Variants in GRID1 observed in about 807,000 individuals in gnomAD.
GRID1 encodes glutamate receptor ionotropic, delta-1.
Under a neutral mutation model 98.0 loss-of-function variants are expected in GRID1, and 28 were observed. The ratio of observed to expected loss-of-function variants is 0.29; its 90% CI spans 0.21 to 0.39. The LOEUF is 0.39. GRID1 is among the 10% of genes least tolerant of loss of function. GRID1 has a pLI of 1.00. For synonymous variants in GRID1, 553 were observed against 538.5 expected (o/e 1.03, Z -0.37); for missense variants, 1,111 against 1,340.5 (o/e 0.83, Z 2.67).
intron 4 of GRID1, among the ~76,000 whole-genome samples, chr10:85,946,627 T>C (rs911472429): frequency 5.3e-5 from 8 of 152,138 alleles, no homozygotes; most frequent in African/African-American, 1.9e-4. Context: ...AGTGGGGGCT[T>C]GGAAAGGGAT....
intron 4 of GRID1, among the ~76,000 whole-genome samples, chr10:86,055,924 T>C (rs1843566748): frequency 6.6e-6 from 1 of 152,156 alleles, no homozygotes; most frequent in African/African-American, 2.4e-5. Context: ...TACCCTGATA[T>C]CGAACTTCCC....
rs569216452 is a variant in GRID1 at position 86,195,684 on chromosome 10, G to C, written c.520+10680C>G. ...CAGGTGGGTAAGAGGATAACTTCCA[G>C]CAAGGAACTGGGTACGTGAAGGGCT... On this transcript the variant is annotated intron_variant, in intron 3 of 15. Coordinates refer to ENST00000327946, the MANE Select transcript of GRID1 (RefSeq NM_017551.3). This position sits in a 1 kb window ranked among gnomAD's most constrained non-coding sequence, Gnocchi z 4.4. Among the ~76,000 whole-genome samples the C allele has an allele frequency of 4.6e-5, 7 of 152,284 alleles. No individual in the cohort carries two copies. In the South Asian group the frequency reaches 1.5e-3, roughly 32 times the overall value.
At chr10:85,636,394 A>G (rs1247575875) in intron 13 of GRID1, among the ~76,000 whole-genome samples, 1 of 152,224 alleles carries the variant, frequency 6.6e-6, no homozygotes, top group Admixed American at 6.5e-5. Context: ...AGAGTAAATC[A>G]CTGCAGAAAT....
At chr10:85,913,058 G>T (rs1841563296) in intron 5 of GRID1, among the ~76,000 whole-genome samples, 2 of 152,160 alleles carry the variant, frequency 1.3e-5, no homozygotes, top group Non-Finnish European at 2.9e-5. Context: ...AAACACCACG[G>T]TCCTTAACCA....
At chr10:86,026,750 A>G (rs1187309301) in intron 4 of GRID1, among the ~76,000 whole-genome samples, 1 of 152,242 alleles carries the variant, frequency 6.6e-6, no homozygotes, top group Non-Finnish European at 1.5e-5. Flanking sequence ...TAAATGCTCA[A>G]TAAACAACAG....
At chr10:86,199,838 C>T (rs1036600784) in intron 3 of GRID1, among the ~76,000 whole-genome samples, 4 of 152,050 alleles carry the variant, frequency 2.6e-5, no homozygotes, top group African/African-American at 9.7e-5. Flanking sequence ...TCAGACAGGA[C>T]GCAGTGAAAG....
chr10:86,334,207 A>G (rs1419333710), intron 2 of GRID1, among the ~76,000 whole-genome samples: 1 of 152,198 alleles, frequency 6.6e-6, no homozygotes, highest in East Asian at 1.9e-4. Flanking sequence ...TGAAGAGCAT[A>G]GCACCTGCTC....
chr10:86,034,290 A>T (rs1164431959), intron 4 of GRID1, among the ~76,000 whole-genome samples: 1 of 152,174 alleles, frequency 6.6e-6, no homozygotes, highest in East Asian at 1.9e-4. Context: ...AAATATATAA[A>T]TATTTTTAAA....
chr10:86,232,252 C>T (rs1846467933), intron 2 of GRID1, among the ~76,000 whole-genome samples: 1 of 152,230 alleles, frequency 6.6e-6, no homozygotes, highest in African/African-American at 2.4e-5. Context: ...GGAGAAAAGG[C>T]AAGCTGAGCA....
At chr10:86,251,682 G>A (rs944722661) in intron 2 of GRID1, among the ~76,000 whole-genome samples, 7 of 152,148 alleles carry the variant, frequency 4.6e-5, no homozygotes, top group Admixed American at 2.0e-4. Flanking sequence ...TTCAGAATCT[G>A]CCAATCACTG....
chr10:86,302,240 G>A lies in GRID1; in HGVS notation c.235+61701C>T, dbSNP rs141456089. On this transcript the variant is annotated intron_variant, in intron 2 of 15. Coordinates refer to ENST00000327946, the MANE Select transcript of GRID1 (RefSeq NM_017551.3). Reference sequence around the variant, plus strand: ...TCCTCCTTGAGACTCACTCCACAGGGGCCACCATGCCTTCTTGGGAGACAC... The same window carrying A: ...TCCTCCTTGAGACTCACTCCACAGGAGCCACCATGCCTTCTTGGGAGACAC... 2.4e-3 allele frequency among the ~76,000 whole-genome samples: 365 copies of A among 152,298 alleles called. 8 individuals carry two copies. Among genetic ancestry groups the A allele is most frequent in the Middle Eastern group, 0.017 (5 of 294 alleles).
At chr10:85,859,488 T>C (rs985862572) in intron 6 of GRID1, among the ~76,000 whole-genome samples, 9 of 152,114 alleles carry the variant, frequency 5.9e-5, no homozygotes, top group African/African-American at 1.4e-4. Context: ...ACACTAACCA[T>C]GTTTTACAAA....
chr10:86,198,075 C>T (rs1025874607), intron 3 of GRID1, among the ~76,000 whole-genome samples: 14 of 152,046 alleles, frequency 9.2e-5, no homozygotes. Context: ...GCAAAGGAGA[C>T]GTCAGCAAGG....
intron 2 of GRID1, among the ~76,000 whole-genome samples, chr10:86,307,279 G>A (rs1315972713): frequency 2.0e-5 from 3 of 152,044 alleles, no homozygotes; most frequent in Non-Finnish European, 2.9e-5. Flanking sequence ...CAATAGCCAA[G>A]GTATGCAAAC....
chr10:85,879,202 G>C (rs2131801440), intron 5 of GRID1, among the ~76,000 whole-genome samples: 1 of 152,134 alleles, frequency 6.6e-6, no homozygotes, highest in East Asian at 1.9e-4. Flanking sequence ...GTCAACATTA[G>C]ACAGATCAAC....
intron 4 of GRID1, among the ~76,000 whole-genome samples, chr10:86,028,484 A>G (rs1027195648): frequency 6.6e-6 from 1 of 152,204 alleles, no homozygotes; most frequent in African/African-American, 2.4e-5. Flanking sequence ...CAAAACAGGT[A>G]TCTGTTATCT....
intron 6 of GRID1, among the ~76,000 whole-genome samples, chr10:85,864,855 C>T (rs533406468): frequency 1.8e-4 from 28 of 152,064 alleles, no homozygotes; most frequent in Non-Finnish European, 3.7e-4. Flanking sequence ...CACATTAGCC[C>T]CCAAAGCTTA....
intron 2 of GRID1, among the ~76,000 whole-genome samples, chr10:86,278,253 G>A (rs924934843): frequency 3.3e-5 from 5 of 152,108 alleles, no homozygotes; most frequent in African/African-American, 9.7e-5. Context: ...AAGTGGGGTG[G>A]CTATAATACT....
intron 8 of GRID1, among the ~76,000 whole-genome samples, chr10:85,808,254 G>C (rs1842640253): frequency 6.6e-6 from 1 of 152,140 alleles, no homozygotes; most frequent in Admixed American, 6.5e-5. Context: ...AGTTTTGCAT[G>C]GAAATCAAAC....
Sources: allele counts gnomAD v4.1 joint callset (sites outside exome capture counted in the v4.1 genomes callset), GRCh38; gene constraint gnomAD v4.1.1; non-coding constraint Gnocchi (gnomAD v3.1); transcripts MANE v1.5; gene names NCBI Gene and HGNC (gene_info 2026-07-23, HGNC 2026-07-21).